The following MAOA variants were observed in gnomAD, a reference collection of about 807,000 sequenced individuals.
The protein encoded by MAOA is monoamine oxidase A.
MAOA carries 6 observed loss-of-function variants against 42.0 expected under a neutral mutation model. That is an observed-to-expected ratio of 0.14 (90% CI 0.08 to 0.28). The LOEUF (loss-of-function observed/expected upper bound fraction) is 0.28. Ranked by LOEUF, MAOA falls within the 10% of genes least tolerant of loss-of-function variation. The pLI is 1.00. For missense variants in MAOA, 262 were observed against 422.3 expected, an observed-to-expected ratio of 0.62 and a Z score of 3.33; for synonymous variants, 140 against 154.0, an observed-to-expected ratio of 0.91 and a Z score of 0.67.
intron 10 of MAOA, among the ~76,000 whole-genome samples, chrX:43,737,516 A>T (rs373059078): frequency 1.8e-5 from 2 of 111,991 alleles, no homozygotes; most frequent in East Asian, 2.8e-4. Flanking sequence ...GCACTTTCTC[A>T]TGGTGCCCTC....
intron 3 of MAOA, 93 bp from the exon 4 acceptor site, chrX:43,711,779 T>A (rs2033701218): frequency 1.5e-6 from 1 of 647,489 alleles, no homozygotes; most frequent in East Asian, 3.2e-5. Flanking sequence ...ACTTTGCAAG[T>A]CTTAGGTTGG....
At chrX:43,699,489 A>G (rs1290878444) in intron 3 of MAOA, among the ~76,000 whole-genome samples, 1 of 110,682 alleles carries the variant, frequency 9.0e-6, no homozygotes, top group Non-Finnish European at 1.9e-5. Context: ...AGAAATTGAC[A>G]ATTACATGCA....
chrX:43,674,233 T>G (rs2033367817), intron 1 of MAOA, among the ~76,000 whole-genome samples: 1 of 110,730 alleles, frequency 9.0e-6, no homozygotes, highest in African/African-American at 3.3e-5. Flanking sequence ...TCTTTGTTGG[T>G]TTAAAGTCTG....
Sources: allele counts gnomAD v4.1 joint callset (sites outside exome capture counted in the v4.1 genomes callset), GRCh38; gene constraint gnomAD v4.1.1; transcripts MANE v1.5; gene names NCBI Gene and HGNC (gene_info 2026-07-23, HGNC 2026-07-21).